Variants in TNIP1 observed in about 807,000 individuals in gnomAD.
TNIP1 encodes TNFAIP3-interacting protein 1.
Under a neutral mutation model 86.6 loss-of-function variants are expected in TNIP1, and 22 were observed. The observed-to-expected ratio is 0.25, with a 90% confidence interval of 0.18 to 0.36. The LOEUF is 0.36. Among genes scored for constraint, TNIP1 ranks in the 10% least tolerant of loss-of-function variants. The pLI is 1.00. For synonymous variants in TNIP1, 294 were observed against 313.0 expected (o/e 0.94, Z 0.64); for missense variants, 709 against 820.6 (o/e 0.86, Z 1.66).
At chr5:151,086,447 G>C (rs1764280565) in intron 1 of TNIP1, among the ~76,000 whole-genome samples, 1 of 152,144 alleles carries the variant, frequency 6.6e-6, no homozygotes, top group Non-Finnish European at 1.5e-5. Context: ...TTTTGCTCCA[G>C]TGTTAAGGAG....
chr5:151,083,275 A>G (rs1173261927), upstream of TNIP1, among the ~76,000 whole-genome samples: 3 of 152,246 alleles, frequency 2.0e-5, no homozygotes, highest in Non-Finnish European at 4.4e-5. Context: ...AAATTGGACA[A>G]TGCAAATAAA....
At chr5:151,067,720 GC>G (rs1762395754) in intron 1 of TNIP1, among the ~76,000 whole-genome samples, 1 of 152,170 alleles carries the variant, frequency 6.6e-6, no homozygotes, top group East Asian at 1.9e-4. Context: ...CCAGAGTAGG[GC>G]CTCGGTAAAC....
At chr5:151,066,482 C>CCA (rs2113736561) in intron 1 of TNIP1, among the ~76,000 whole-genome samples, 2 of 152,328 alleles carry the variant, frequency 1.3e-5, no homozygotes, top group African/African-American at 4.8e-5. Context: ...CCTCCCAAGT[C>CCA]CACACACCAT....
chr5:151,055,647 G>T (rs528235047), intron 6 of TNIP1, among the ~76,000 whole-genome samples: 10 of 152,158 alleles, frequency 6.6e-5, no homozygotes, highest in African/African-American at 2.4e-4. Flanking sequence ...TCCTCATACT[G>T]CATCTCCAAC....
intron 1 of TNIP1, among the ~76,000 whole-genome samples, chr5:151,068,325 A>G (rs1192862392): frequency 1.3e-5 from 2 of 152,142 alleles, no homozygotes; most frequent in Admixed American, 6.5e-5. Flanking sequence ...CCTCTGATCA[A>G]TGAGGTTTTT....
Position 151,042,593 on chromosome 5 carries a change from G to C in TNIP1, c.1081C>G (p.Arg361Gly), listed in dbSNP as rs761527671. The C allele has an allele frequency of 2.5e-6, 4 of 1,613,622 alleles. No homozygotes were observed. In the Admixed American group the frequency reaches 6.7e-5, roughly 27 times the overall value. The change falls in exon 11 of 18, where the codon CGT (arginine) becomes GGT (glycine). Residue 361 changes from arginine (R) to glycine (G), a missense_variant. Transcript: ENST00000521591. ...AGGAGGAGCTTGCGGTCAAAGTCACGCTGCTTCTGCTCCCGCTCGGCCTCC... is the reference window on the plus strand; with the variant it reads ...AGGAGGAGCTTGCGGTCAAAGTCACCCTGCTTCTGCTCCCGCTCGGCCTCC... Reference protein sequence around the residue: ...DLEAEREQKQRDFDRKLLLAK... With the variant: ...DLEAEREQKQGDFDRKLLLAK...
In TNIP1 at chr5:151,033,635, T is replaced by C. The variant is rs1160517738; in HGVS notation, c.1752A>G (p.Pro584=). Residue 584 remains proline (P), a synonymous_variant, in exon 16 of 18, where the codon CCA becomes CCG. Transcript: ENST00000521591. The part of the protein sequence containing the change: ...PPPMAMEHPP[P]LPNSRLFHLP... ...GATGGAAGAGGCGCGAGTTGGGGAG[T>C]GGGGGCGGGTGCTCCATGGCCATGG... is the stretch of plus-strand genomic sequence containing the variant. The C allele has an allele frequency of 3.1e-6, 2 of 650,394 alleles. No homozygotes were observed. Among genetic ancestry groups the C allele is most frequent in the Non-Finnish European group, 1.9e-6 (1 of 513,246 alleles). The allele number at this position is 650,394 out of a possible 1,614,324, so 40.3% of individuals were successfully genotyped here.
chr5:151,055,968 C>T (rs751719923), intron 6 of TNIP1, among the ~76,000 whole-genome samples: 1 of 152,222 alleles, frequency 6.6e-6, no homozygotes, highest in African/African-American at 2.4e-5. Flanking sequence ...AGTGTGGATG[C>T]CCGTCATGAA....
intron 6 of TNIP1, among the ~76,000 whole-genome samples, chr5:151,056,511 G>C (rs1760672861): frequency 6.6e-6 from 1 of 152,152 alleles, no homozygotes; most frequent in African/African-American, 2.4e-5. Context: ...AATAAAGGCA[G>C]GGCTGCTGGG....
intron 8 of TNIP1, among the ~76,000 whole-genome samples, chr5:151,047,522 T>A (rs908758986): frequency 4.6e-5 from 7 of 152,232 alleles, no homozygotes; most frequent in Admixed American, 3.3e-4. Flanking sequence ...TGGTGAAATC[T>A]GAATAAAGTC....
chr5:151,052,470 C>G (rs1445249477), intron 6 of TNIP1, among the ~76,000 whole-genome samples: 1 of 152,208 alleles, frequency 6.6e-6, no homozygotes. Context: ...AGAAGCCTGA[C>G]CAAGTATCAG....
chr5:151,045,700 GA>G (rs1759066413), intron 9 of TNIP1, among the ~76,000 whole-genome samples, 160 bp downstream of exon 9: 2 of 152,198 alleles, frequency 1.3e-5, no homozygotes, highest in Admixed American at 1.3e-4. Flanking sequence ...CCAGGGCAAG[GA>G]GTCAGACCTC....
rs747299121 is a variant in TNIP1, at chr5:151,030,110, G to A, written c.*603C>T. 24 of 456,874 alleles carry A rather than the reference G, an allele frequency of 5.3e-5. No homozygotes were observed. The highest frequency in any genetic ancestry group is 1.4e-4 in the African/African-American group (7 of 50,200). 28.3% of individuals were successfully genotyped at this position (456,874 alleles called of 1,614,324 possible). On this transcript the variant is annotated 3_prime_UTR_variant, in exon 18 of 18. Transcript: ENST00000521591. ...TTCAGGCTGGCGCCCCTCGGCGGAC[G>A]TGGCTGGCATGGCCTTCTCCCATCT... is the stretch of plus-strand genomic sequence containing the variant.
intron 13 of TNIP1, among the ~76,000 whole-genome samples, chr5:151,036,452 A>G (rs1178801508): frequency 6.6e-6 from 1 of 152,194 alleles, no homozygotes; most frequent in African/African-American, 2.4e-5. Context: ...GTTACTTTCT[A>G]CTTGTGACAA....
chr5:151,082,458 CCCATCAGG>C (rs1764095302), upstream of TNIP1, among the ~76,000 whole-genome samples: 1 of 152,168 alleles, frequency 6.6e-6, no homozygotes, highest in Admixed American at 6.5e-5. Flanking sequence ...ATCGTCTCCA[CCCATCAGG>C]TCCGCACCTG....
rs779104433 is a variant in TNIP1 at position 151,042,993 on chromosome 5, G to A, written c.937-32C>T. The A allele has an allele frequency of 2.5e-6, 4 of 1,611,942 alleles. No individual in the cohort carries two copies. The South Asian group carries it at 4.4e-5, about 18-fold the overall frequency. ...GGAGAGACTGGAGTTAGCAGGAGATGAGCAGAGAAGGAACAAGGAGAGCCA... is the reference window on the plus strand; with the variant it reads ...GGAGAGACTGGAGTTAGCAGGAGATAAGCAGAGAAGGAACAAGGAGAGCCA... On this transcript the variant is annotated intron_variant, in intron 9 of 17. Coordinates refer to ENST00000521591, the MANE Select transcript of TNIP1 (RefSeq NM_006058.5).
At chr5:151,031,842 G>C (rs577927740) in intron 17 of TNIP1, among the ~76,000 whole-genome samples, 36 of 152,232 alleles carry the variant, frequency 2.4e-4, no homozygotes, top group African/African-American at 8.7e-4. Flanking sequence ...CACCTAGCTA[G>C]TGTCACTCAT....
At chr5:151,066,417 T>C (rs1318941998) in intron 1 of TNIP1, among the ~76,000 whole-genome samples, 3 of 152,206 alleles carry the variant, frequency 2.0e-5, no homozygotes, top group Admixed American at 6.5e-5. Context: ...GGCACCTTCC[T>C]CCCAAGGTCA....
rs149317065 is a variant in TNIP1, at chr5:151,038,022, G to T, written c.1263+1075C>A. 5.5e-3 allele frequency among the ~76,000 whole-genome samples: 833 copies of T among 152,316 alleles called. 8 individuals are homozygous for T. Among genetic ancestry groups the T allele is most frequent in the African/African-American group, 0.019 (787 of 41,560 alleles). On this transcript the variant is annotated intron_variant, in intron 12 of 17. Transcript: ENST00000521591. The stretch of plus-strand genomic sequence containing the variant: ...ACTCATCCACATGGTGTCTGTCCCT[G>T]GCTCTGCCAAGAAAACCTCCAAGGT...
Sources: allele counts gnomAD v4.1 joint callset (sites outside exome capture counted in the v4.1 genomes callset), GRCh38; gene constraint gnomAD v4.1.1; transcripts MANE v1.5; gene names NCBI Gene and HGNC (gene_info 2026-07-23, HGNC 2026-07-21).